The following GABRA3 variants were observed in gnomAD, a reference collection of about 807,000 sequenced individuals.
GABRA3 encodes the protein gamma-aminobutyric acid receptor subunit alpha-3.
Under a neutral mutation model 30.1 loss-of-function variants are expected in GABRA3, and 10 were observed. That is an observed-to-expected ratio of 0.33 (90% CI 0.20 to 0.56). The LOEUF (loss-of-function observed/expected upper bound fraction) is 0.56. Ranked by LOEUF, GABRA3 falls within the 20% of genes least tolerant of loss-of-function variation. The probability of loss-of-function intolerance (pLI) is 0.89; values close to 1 mark genes in which losing one functional copy is unlikely to be tolerated. For synonymous variants in GABRA3, 151 were observed against 146.8 expected, an observed-to-expected ratio of 1.03 and a Z score of -0.21; for missense variants, 233 against 392.0, an observed-to-expected ratio of 0.59 and a Z score of 3.42.
chrX:152,301,715 G>T (rs1448916251), intron 3 of GABRA3, among the ~76,000 whole-genome samples: 1 of 110,621 alleles, frequency 9.0e-6, no homozygotes, highest in Non-Finnish European at 1.9e-5. Flanking sequence ...TTGCATTTTA[G>T]TAGAGACAGG....
rs765181664 is a variant in GABRA3 at position 152,268,855 on chromosome X, C to A, written c.331-12857G>T. On this transcript the variant is annotated intron_variant, in intron 4 of 9. Transcript: ENST00000370314. ...AAAGTGCTGAGATTGCAGGCATGAG[C>A]CACTGTGCCTGGTCTTAAATTTACT... Among the ~76,000 whole-genome samples, 3 of 112,011 alleles carry A rather than the reference C, an allele frequency of 2.7e-5. No individual in the cohort carries two copies. The South Asian group carries it at 1.1e-3, about 42-fold the overall frequency.
chrX:152,295,340 G>T (rs925949353), intron 3 of GABRA3, among the ~76,000 whole-genome samples: 5 of 112,786 alleles, frequency 4.4e-5, no homozygotes, highest in Admixed American at 3.7e-4. Flanking sequence ...CTGAGCTGTG[G>T]TGTGCTCCAC....
intron 4 of GABRA3, among the ~76,000 whole-genome samples, chrX:152,275,187 TTATATATATAATTTATATATATAATATTA>T (rs1569378102): frequency 6.7e-5 from 5 of 74,670 alleles, no homozygotes; most frequent in African/African-American, 1.0e-4. Context: ...ATATTTAATA[TTATATATATAATTTATATATATAATATTA>T]TATATATATA....
At position 152,418,158 on chromosome X, in the gene GABRA3, T is replaced by C. The variant is rs747952292; in HGVS notation, c.-27+32988A>G. Among the ~76,000 whole-genome samples, 43 of 111,529 alleles carry C rather than the reference T, an allele frequency of 3.9e-4. 1 individual carries two copies. In the South Asian group the frequency reaches 0.015, roughly 39 times the overall value. ...CATCAGATACCAGTAAAGATACATA[T>C]GATTGCAACAAAATAATTAACAAAC... is the stretch of plus-strand genomic sequence containing the variant. On this transcript the variant is annotated intron_variant, in intron 1 of 9. Coordinates refer to ENST00000370314, the MANE Select transcript of GABRA3 (RefSeq NM_000808.4).
intron 3 of GABRA3, among the ~76,000 whole-genome samples, chrX:152,305,132 A>C (rs774270642): frequency 9.0e-6 from 1 of 110,905 alleles, no homozygotes; most frequent in South Asian, 3.8e-4. Flanking sequence ...TCTTTATCCA[A>C]TCCATCATAG....
intron 3 of GABRA3, among the ~76,000 whole-genome samples, chrX:152,317,448 T>G (rs1569394960): frequency 9.0e-6 from 1 of 111,669 alleles, no homozygotes; most frequent in Admixed American, 9.5e-5. Context: ...GGATTTAAAC[T>G]ATACCCAAGA....
intron 5 of GABRA3, among the ~76,000 whole-genome samples, chrX:152,231,474 C>T (rs187420737): frequency 8.1e-5 from 9 of 110,620 alleles, no homozygotes; most frequent in Admixed American, 7.8e-4. Flanking sequence ...CTACTACATG[C>T]ACACTAAAAT....
intron 3 of GABRA3, among the ~76,000 whole-genome samples, chrX:152,324,456 G>A (rs1940020293): frequency 8.9e-6 from 1 of 111,984 alleles, no homozygotes; most frequent in African/African-American, 3.2e-5. Context: ...TTGACATTGT[G>A]TATCTGAATT....
At chrX:152,195,291 T>C (rs1937371316) in intron 8 of GABRA3, among the ~76,000 whole-genome samples, 1 of 112,066 alleles carries the variant, frequency 8.9e-6, no homozygotes, top group African/African-American at 3.2e-5. Flanking sequence ...AAAACATGCT[T>C]CTTTATTGTC....
At chrX:152,254,923 A>G (rs953126201) in intron 5 of GABRA3, among the ~76,000 whole-genome samples, 1 of 111,877 alleles carries the variant, frequency 8.9e-6, no homozygotes, top group African/African-American at 3.2e-5. Flanking sequence ...CCCAAAAACC[A>G]AGAATGTTTT....
At chrX:152,363,627 C>T (rs936492433) in intron 2 of GABRA3, among the ~76,000 whole-genome samples, 1 of 111,831 alleles carries the variant, frequency 8.9e-6, no homozygotes, top group African/African-American at 3.2e-5. Context: ...TACTTCCTTA[C>T]AGGTTTCTGT....
chrX:152,201,582 C>T (rs770084100), intron 7 of GABRA3, among the ~76,000 whole-genome samples: 2 of 111,700 alleles, frequency 1.8e-5, no homozygotes, highest in South Asian at 7.5e-4. Context: ...TTTCTCCTGC[C>T]TTTGCACTTC....
intron 5 of GABRA3, among the ~76,000 whole-genome samples, chrX:152,243,520 C>G (rs1418115930): frequency 2.7e-5 from 3 of 111,416 alleles, no homozygotes; most frequent in Non-Finnish European, 3.8e-5. Context: ...GATTTAAAAC[C>G]CAGGTCCACC....
intron 2 of GABRA3, among the ~76,000 whole-genome samples, chrX:152,353,513 A>G (rs1165134517): frequency 8.9e-6 from 1 of 111,800 alleles, no homozygotes; most frequent in Non-Finnish European, 1.9e-5. Flanking sequence ...CCATAGTGCC[A>G]ATGCATGAGC....
intron 9 of GABRA3, among the ~76,000 whole-genome samples, chrX:152,180,824 C>T (rs1271518541): frequency 9.0e-6 from 1 of 111,725 alleles, no homozygotes; most frequent in Non-Finnish European, 1.9e-5. Flanking sequence ...GTTCTAGATA[C>T]CTTTGTGGAA....
intron 4 of GABRA3, among the ~76,000 whole-genome samples, chrX:152,279,079 T>C (rs1376033865): frequency 8.9e-6 from 1 of 112,012 alleles, no homozygotes; most frequent in East Asian, 2.8e-4. Flanking sequence ...ACTCTGATGG[T>C]AGTTTCTTTA....
At chrX:152,241,284 G>T (rs1488198835) in intron 5 of GABRA3, among the ~76,000 whole-genome samples, 1 of 88,694 alleles carries the variant, frequency 1.1e-5, no homozygotes, top group African/African-American at 3.4e-5. Context: ...GCCCCTGCTG[G>T]GGGGTGCCTC....
chrX:152,293,718 C>T (rs1295326436), intron 3 of GABRA3, among the ~76,000 whole-genome samples: 1 of 111,653 alleles, frequency 9.0e-6, no homozygotes, highest in Non-Finnish European at 1.9e-5. Flanking sequence ...TTCTTCCTAG[C>T]ATCAATTGTC....
At chrX:152,402,233 G>A (rs895551094) in intron 1 of GABRA3, among the ~76,000 whole-genome samples, 4 of 111,720 alleles carry the variant, frequency 3.6e-5, no homozygotes, top group African/African-American at 9.8e-5. Flanking sequence ...GCTGATGGAG[G>A]AAAACTTTTC....
Sources: gnomAD v4.1 joint callset for allele counts (sites outside exome capture counted in the v4.1 genomes callset) on GRCh38, gnomAD v4.1.1 for gene constraint, MANE v1.5 for transcripts, NCBI Gene and HGNC (gene_info 2026-07-23, HGNC 2026-07-21) for gene names.